Variants in LUZP2 observed in about 807,000 individuals in gnomAD.
LUZP2 encodes leucine zipper protein 2.
LUZP2 carries 52 observed loss-of-function variants against 51.6 expected under a neutral mutation model. That is an observed-to-expected ratio of 1.01 (90% CI 0.81 to 1.27). The LOEUF is 1.27. Ranked by LOEUF, LUZP2 falls within the 50% of genes most tolerant of loss-of-function variation. The probability of loss-of-function intolerance (pLI) is 0.00; values close to 1 mark genes in which losing one functional copy is unlikely to be tolerated. For synonymous variants in LUZP2, 154 were observed against 137.3 expected (o/e 1.12, Z -0.85); for missense variants, 436 against 395.4 (o/e 1.10, Z -0.87).
At position 24,678,887 on chromosome 11, in the gene LUZP2, C is replaced by G. The variant is rs76151753; in HGVS notation, c.63-50282C>G. ...TTATTCTTCCTTGAAAGGTTATTTTCTGCAAAATAAGATATAGTGCTGCGT... is the reference window on the plus strand; with the variant it reads ...TTATTCTTCCTTGAAAGGTTATTTTGTGCAAAATAAGATATAGTGCTGCGT... On this transcript the variant is annotated intron_variant, in intron 1 of 11. Coordinates refer to ENST00000336930, the MANE Select transcript of LUZP2 (RefSeq NM_001009909.4). Among the ~76,000 whole-genome samples the G allele has an allele frequency of 7.3e-3, 1,105 of 152,274 alleles. 13 individuals carry two copies. The highest frequency in any genetic ancestry group is 0.025 in the African/African-American group (1,035 of 41,554).
chr11:25,036,890 T>A (rs778401226), intron 9 of LUZP2, among the ~76,000 whole-genome samples: 6 of 152,170 alleles, frequency 3.9e-5, no homozygotes, highest in Non-Finnish European at 5.9e-5. Flanking sequence ...GTTGTCTCTC[T>A]TAGAATATGT....
chr11:24,561,819 A>G (rs1171262427), intron 1 of LUZP2, among the ~76,000 whole-genome samples: 1 of 149,376 alleles, frequency 6.7e-6, no homozygotes, highest in Non-Finnish European at 1.5e-5. Flanking sequence ...CTTAAAGTAT[A>G]ATAATAATAA....
intron 1 of LUZP2, among the ~76,000 whole-genome samples, chr11:24,692,417 T>A (rs868456247): frequency 9.9e-5 from 15 of 152,064 alleles, no homozygotes; most frequent in Middle Eastern, 3.2e-3. Context: ...TCTAAGAATA[T>A]ACGGTCTTTT....
Position 24,896,980 on chromosome 11 carries a change from A to G in LUZP2, c.397-9011A>G, listed in dbSNP as rs565410561. On this transcript the variant is annotated intron_variant, in intron 5 of 11. Coordinates refer to ENST00000336930, the MANE Select transcript of LUZP2 (RefSeq NM_001009909.4). ...TAGCTCAAGGTTTGTAAATGCACCA[A>G]TCAATACTCTGTGTCTAGCTCAAGG... Among the ~76,000 whole-genome samples, 13 of 152,304 alleles carry G rather than the reference A, an allele frequency of 8.5e-5. No homozygotes were observed. The South Asian group carries it at 2.7e-3, about 32-fold the overall frequency.
intron 7 of LUZP2, among the ~76,000 whole-genome samples, chr11:24,919,598 T>A (rs1184920310): frequency 6.8e-6 from 1 of 146,512 alleles, no homozygotes; most frequent in African/African-American, 2.5e-5. Context: ...TAGCTTTTAA[T>A]TTTATGTAGA....
chr11:25,036,404 A>ATTT (rs1454054763), intron 9 of LUZP2, among the ~76,000 whole-genome samples: 1 of 151,700 alleles, frequency 6.6e-6, no homozygotes, highest in Non-Finnish European at 1.5e-5. Flanking sequence ...AATCATATTC[A>ATTT]TTTTTTTGAA....
intron 9 of LUZP2, among the ~76,000 whole-genome samples, chr11:24,998,373 T>A (rs1856572076): frequency 6.6e-6 from 1 of 152,218 alleles, no homozygotes; most frequent in Non-Finnish European, 1.5e-5. Context: ...TTTTATTCTC[T>A]TTGAAGCAAT....
chr11:24,711,184 T>C (rs1857801656), intron 1 of LUZP2, among the ~76,000 whole-genome samples: 1 of 152,170 alleles, frequency 6.6e-6, no homozygotes, highest in South Asian at 2.1e-4. Flanking sequence ...GCGCGGTGGC[T>C]GATGCCTGTA....
intron 1 of LUZP2, among the ~76,000 whole-genome samples, chr11:24,627,874 T>A (rs1169863753): frequency 6.6e-6 from 1 of 152,186 alleles, no homozygotes; most frequent in Non-Finnish European, 1.5e-5. Context: ...GTAATACAGA[T>A]AATGACACCC....
intron 1 of LUZP2, among the ~76,000 whole-genome samples, chr11:24,528,405 G>A (rs1278818646): frequency 6.6e-6 from 1 of 151,198 alleles, no homozygotes; most frequent in Non-Finnish European, 1.5e-5. Context: ...CAGGGGAGCA[G>A]GATTATTTGG....
intron 1 of LUZP2, among the ~76,000 whole-genome samples, chr11:24,512,938 A>G (rs1850358156): frequency 1.3e-5 from 2 of 151,960 alleles, no homozygotes; most frequent in African/African-American, 4.8e-5. Flanking sequence ...TTGTACTTTT[A>G]TTAGAGACTG....
At position 24,912,181 on chromosome 11, in the gene LUZP2, C is replaced by T. The variant is rs186360222; in HGVS notation, c.460-2295C>T. Among the ~76,000 whole-genome samples, 228 of 149,574 alleles carry T rather than the reference C, an allele frequency of 1.5e-3. 1 individual carries two copies. The highest frequency in any genetic ancestry group is 5.4e-3 in the African/African-American group (220 of 40,642). On this transcript the variant is annotated intron_variant, in intron 6 of 11. Coordinates refer to ENST00000336930, the MANE Select transcript of LUZP2 (RefSeq NM_001009909.4). Reference sequence around the variant, plus strand: ...TCTTTCCTCCTCTTTCCTTCTTTTCCTCTCTCCCACTTCCTCTTTACCTCC... The same window carrying T: ...TCTTTCCTCCTCTTTCCTTCTTTTCTTCTCTCCCACTTCCTCTTTACCTCC...
In LUZP2 at chr11:25,028,965, A is replaced by G. The variant is rs112808853; in HGVS notation, c.766-21073A>G. Among the ~76,000 whole-genome samples, 724 of 152,326 alleles carry G rather than the reference A, an allele frequency of 4.8e-3. 6 individuals carry two copies. The highest frequency in any genetic ancestry group is 0.024 in the Middle Eastern group (7 of 294). Reference sequence around the variant, plus strand: ...AAAGAACTTAAAAGATCATTAAGTGAAATAAGCCAGGCACGGAAAGACAAG... The same window carrying G: ...AAAGAACTTAAAAGATCATTAAGTGGAATAAGCCAGGCACGGAAAGACAAG... On this transcript the variant is annotated intron_variant, in intron 9 of 11. Transcript: ENST00000336930.
intron 5 of LUZP2, among the ~76,000 whole-genome samples, chr11:24,873,987 A>C (rs1030735138): frequency 8.7e-5 from 5 of 57,288 alleles, no homozygotes; most frequent in African/African-American, 1.7e-4. Context: ...ATAGAAAAAA[A>C]AGATCAACCA....
At chr11:24,690,455 T>C (rs186957829) in intron 1 of LUZP2, among the ~76,000 whole-genome samples, 130 of 152,266 alleles carry the variant, frequency 8.5e-4, no homozygotes, top group Admixed American at 2.8e-3. Context: ...ACTTATTTTA[T>C]GGTCCTGAGA....
At chr11:24,658,210 C>G (rs1413802290) in intron 1 of LUZP2, among the ~76,000 whole-genome samples, 1 of 152,194 alleles carries the variant, frequency 6.6e-6, no homozygotes, top group Non-Finnish European at 1.5e-5. Flanking sequence ...CAGCATGGTA[C>G]TGGTACCAAA....
chr11:25,013,978 C>T (rs1256768670), intron 9 of LUZP2, among the ~76,000 whole-genome samples: 2 of 151,980 alleles, frequency 1.3e-5, no homozygotes, highest in Non-Finnish European at 2.9e-5. Context: ...CAATTCCCAC[C>T]TATGAGTGAG....
At chr11:24,750,533 A>G (rs1175993506) in intron 4 of LUZP2, among the ~76,000 whole-genome samples, 3 of 152,216 alleles carry the variant, frequency 2.0e-5, no homozygotes, top group Admixed American at 6.5e-5. Flanking sequence ...AATTACTCAA[A>G]TATTCTACCA....
intron 9 of LUZP2, among the ~76,000 whole-genome samples, chr11:25,041,749 C>G (rs530645791): frequency 1.3e-5 from 2 of 152,096 alleles, no homozygotes; most frequent in Admixed American, 6.6e-5. Flanking sequence ...TATTCTTCAG[C>G]GCAGGGGTCC....
Sources: allele counts gnomAD v4.1 joint callset (sites outside exome capture counted in the v4.1 genomes callset), GRCh38; gene constraint gnomAD v4.1.1; transcripts MANE v1.5; gene names NCBI Gene and HGNC (gene_info 2026-07-23, HGNC 2026-07-21).